ZEB1: variants seen among roughly 807,000 people sequenced by gnomAD.
ZEB1 encodes zinc finger E-box-binding homeobox 1.
A neutral mutation model predicts 84.9 loss-of-function variants in ZEB1; 21 were observed. That is an observed-to-expected ratio of 0.25 (90% CI 0.18 to 0.36). The LOEUF (loss-of-function observed/expected upper bound fraction) is 0.36. ZEB1 is among the 10% of genes least tolerant of loss of function. ZEB1 has a pLI of 1.00. For missense variants in ZEB1, 1,104 were observed against 1,330.2 expected (o/e 0.83, Z 2.65); for synonymous variants, 420 against 471.1 (o/e 0.89, Z 1.41).
chr10:31,522,987 C>CA (rs2072716458), intron 7 of ZEB1, among the ~76,000 whole-genome samples: 1 of 152,216 alleles, frequency 6.6e-6, no homozygotes, highest in African/African-American at 2.4e-5. Context: ...TTCATAGACT[C>CA]ACGTGTCACG....
In ZEB1 at chr10:31,485,424, ACT is replaced by A. The variant is rs2065601830; in HGVS notation, c.260-10349_260-10348del. Among the ~76,000 whole-genome samples, 3 of 151,928 alleles carry A rather than the reference ACT, an allele frequency of 2.0e-5. No individual in the cohort carries two copies. In the South Asian group the frequency reaches 6.2e-4, roughly 32 times the overall value. On this transcript the variant is annotated intron_variant, in intron 2 of 8. Transcript: ENST00000424869. Reference sequence around the variant, plus strand: ...CAATGTCTTCACCTAGGAATAATTGACTCTAAAGCGTTTGCCCTTATCCACTG... The same window carrying A: ...CAATGTCTTCACCTAGGAATAATTGACTAAAGCGTTTGCCCTTATCCACTG...
chr10:31,410,911 T>C (rs954365884), intron 1 of ZEB1, among the ~76,000 whole-genome samples: 9 of 152,176 alleles, frequency 5.9e-5, no homozygotes, highest in Admixed American at 5.9e-4. Context: ...TGGCTAGCAG[T>C]CTATCTATTT....
chr10:31,344,197 T>G (rs1272828276), intron 1 of ZEB1, among the ~76,000 whole-genome samples: 1 of 152,078 alleles, frequency 6.6e-6, no homozygotes, highest in African/African-American at 2.4e-5. Flanking sequence ...CAAATTATAT[T>G]AAGTAAATAT....
chr10:31,444,592 A>C (rs2059510853), intron 1 of ZEB1, among the ~76,000 whole-genome samples: 1 of 151,538 alleles, frequency 6.6e-6, no homozygotes. Flanking sequence ...ATTTTTGTAT[A>C]AGGTGTAAGG....
chr10:31,398,788 GT>G (rs201568974), intron 1 of ZEB1, among the ~76,000 whole-genome samples: 43 of 150,568 alleles, frequency 2.9e-4, no homozygotes, highest in African/African-American at 1.0e-3. Context: ...ACACTGTCCT[GT>G]TTTTTTTTCT....
intron 1 of ZEB1, among the ~76,000 whole-genome samples, chr10:31,385,973 T>C (rs1169899333): frequency 6.6e-6 from 1 of 152,150 alleles, no homozygotes; most frequent in Non-Finnish European, 1.5e-5. Flanking sequence ...TCAGACAAAA[T>C]GTACATACGA....
intron 1 of ZEB1, among the ~76,000 whole-genome samples, chr10:31,393,544 A>G (rs1590778858): frequency 6.7e-6 from 1 of 150,176 alleles, no homozygotes; most frequent in African/African-American, 2.5e-5. Flanking sequence ...AGGTAGATAG[A>G]TATTAAATAT....
chr10:31,487,736 A>C (rs1227395963), intron 2 of ZEB1, among the ~76,000 whole-genome samples: 1 of 151,356 alleles, frequency 6.6e-6, no homozygotes, highest in Non-Finnish European at 1.5e-5. Context: ...TTCTCCTTTA[A>C]GTGTAATGTT....
At chr10:31,412,827 G>GT (rs2054549877) in intron 1 of ZEB1, among the ~76,000 whole-genome samples, 1 of 152,206 alleles carries the variant, frequency 6.6e-6, no homozygotes, top group Admixed American at 6.5e-5. Context: ...CTGGCTGAAA[G>GT]TTTAAGCAGG....
intron 2 of ZEB1, among the ~76,000 whole-genome samples, chr10:31,468,091 T>G (rs991006980): frequency 1.1e-4 from 16 of 152,012 alleles, no homozygotes; most frequent in African/African-American, 3.9e-4. Context: ...CCTGCACCCC[T>G]CCCTAGAGTG....
intron 1 of ZEB1, among the ~76,000 whole-genome samples, chr10:31,338,395 T>G (rs1473488567): frequency 4.6e-5 from 7 of 152,122 alleles, no homozygotes; most frequent in Admixed American, 1.3e-4. Context: ...CGGAAAGTGT[T>G]GGGTAAGGTC....
At chr10:31,321,137 TC>T (rs1267719826) in intron 1 of ZEB1, 1 of 1,034,568 alleles carries the variant, frequency 9.7e-7, no homozygotes, top group Non-Finnish European at 1.2e-6. Context: ...GGGCTCCCTT[TC>T]TCCCTCCCCT....
chr10:31,461,570 A>G lies in ZEB1; in HGVS notation c.259+333A>G, dbSNP rs78990298. On this transcript the variant is annotated intron_variant, in intron 2 of 8. Transcript: ENST00000424869. ...CTCTACTTAGAAACCAATAAATATCATATAGATATAGTGAAATTATAATTC... is the reference window on the plus strand; with the variant it reads ...CTCTACTTAGAAACCAATAAATATCGTATAGATATAGTGAAATTATAATTC... Among the ~76,000 whole-genome samples the G allele has an allele frequency of 5.3e-3, 805 of 152,290 alleles. 12 individuals are homozygous for G. Among genetic ancestry groups the G allele is most frequent in the African/African-American group, 0.019 (771 of 41,556 alleles).
At position 31,527,310 on chromosome 10, in the gene ZEB1, G is replaced by C; in HGVS notation, c.*46G>C. 6.4e-7 allele frequency: 1 copy of C among 1,554,460 alleles called. No homozygotes were observed. The highest frequency in any genetic ancestry group is 1.4e-5 in the African/African-American group (1 of 73,038). ...TAAATTCTAATTGATAATGAATTTC[G>C]TTCAATATTATCCTTGCTTTTCATG... On this transcript the variant is annotated 3_prime_UTR_variant, in exon 9 of 9. Coordinates refer to ENST00000424869, the MANE Select transcript of ZEB1 (RefSeq NM_001174096.2).
chr10:31,352,686 C>A (rs887319828), intron 1 of ZEB1, among the ~76,000 whole-genome samples: 5 of 152,100 alleles, frequency 3.3e-5, no homozygotes, highest in Non-Finnish European at 7.4e-5. Flanking sequence ...TTAAGTGTGC[C>A]TCTCTGTGAA....
intron 1 of ZEB1, among the ~76,000 whole-genome samples, chr10:31,405,828 A>G (rs893394072): frequency 6.6e-6 from 1 of 152,018 alleles, no homozygotes; most frequent in Non-Finnish European, 1.5e-5. Context: ...ATTTCTCCTA[A>G]TGCTATCCCC....
At chr10:31,319,208 G>A (rs763518933), upstream of ZEB1, 3 of 1,593,382 alleles carry the variant, frequency 1.9e-6, no homozygotes, top group Non-Finnish European at 2.6e-6. Context: ...GAGGTGACTC[G>A]AGCATTTAGA....
intron 1 of ZEB1, among the ~76,000 whole-genome samples, chr10:31,407,939 A>T (rs542974843): frequency 0.015 from 2,258 of 147,968 alleles, 40 homozygotes; most frequent in African/African-American, 0.052. Context: ...AATTAGGAAA[A>T]GAGGAAGTCA....
Position 31,437,388 on chromosome 10 carries a change from A to G in ZEB1, c.59-23649A>G, listed in dbSNP as rs574885850. Among the ~76,000 whole-genome samples the G allele has an allele frequency of 6.6e-5, 10 of 152,308 alleles. No individual in the cohort carries two copies. The South Asian group carries it at 1.0e-3, about 16-fold the overall frequency. On this transcript the variant is annotated intron_variant, in intron 1 of 8. Coordinates refer to ENST00000424869, the MANE Select transcript of ZEB1 (RefSeq NM_001174096.2). ...CTAAATTATTCATTCTAATTTGACAACTCAAGCTTGTAACATATTATAATG... is the reference window on the plus strand; with the variant it reads ...CTAAATTATTCATTCTAATTTGACAGCTCAAGCTTGTAACATATTATAATG...
Sources: allele counts gnomAD v4.1 joint callset (sites outside exome capture counted in the v4.1 genomes callset), GRCh38; gene constraint gnomAD v4.1.1; transcripts MANE v1.5; gene names NCBI Gene and HGNC (gene_info 2026-07-23, HGNC 2026-07-21).